The following ATP6V1C1 variants were observed in gnomAD, a reference collection of about 807,000 sequenced individuals.
The protein encoded by ATP6V1C1 is ATPase H+ transporting V1 subunit C1, also known as V-type proton ATPase subunit C 1.
Under a neutral mutation model 53.9 loss-of-function variants are expected in ATP6V1C1, and 45 were observed. The ratio of observed to expected loss-of-function variants is 0.83; its 90% CI spans 0.66 to 1.07. The LOEUF is 1.07. ATP6V1C1 is among the 50% of genes least tolerant of loss of function. The probability of loss-of-function intolerance (pLI) is 0.00; values close to 1 mark genes in which losing one functional copy is unlikely to be tolerated. For missense variants in ATP6V1C1, 315 were observed against 440.3 expected, an observed-to-expected ratio of 0.72 and a Z score of 2.55; for synonymous variants, 153 against 155.2, an observed-to-expected ratio of 0.99 and a Z score of 0.11.
chr8:103,033,003 A>G (rs1286361488), intron 1 of ATP6V1C1, among the ~76,000 whole-genome samples: 2 of 152,254 alleles, frequency 1.3e-5, no homozygotes, highest in African/African-American at 2.4e-5. Context: ...ATACTAAGTA[A>G]TAAAACAGAT....
At chr8:103,053,721 A>G (rs190960502) in intron 6 of ATP6V1C1, among the ~76,000 whole-genome samples, 163 bp from the exon 7 acceptor site, 43 of 152,148 alleles carry the variant, frequency 2.8e-4, no homozygotes, top group Admixed American at 7.9e-4. Flanking sequence ...AGGGTAGGAT[A>G]TATTCAGCTA....
At chr8:103,036,457 C>T (rs1816901081) in intron 1 of ATP6V1C1, among the ~76,000 whole-genome samples, 1 of 152,140 alleles carries the variant, frequency 6.6e-6, no homozygotes, top group Admixed American at 6.6e-5. Flanking sequence ...GAGGCTAAGG[C>T]AGGAGGATTG....
chr8:103,051,752 A>G (rs1288101001), intron 5 of ATP6V1C1, among the ~76,000 whole-genome samples: 1 of 152,120 alleles, frequency 6.6e-6, no homozygotes, highest in Non-Finnish European at 1.5e-5. Flanking sequence ...AGGAAAAAAA[A>G]GTCTTTTTCC....
In ATP6V1C1 at chr8:103,053,924, A is replaced by T; in HGVS notation, c.514A>T (p.Lys172Ter). The T allele has an allele frequency of 6.2e-7, 1 of 1,611,824 alleles. No homozygotes were observed. Among genetic ancestry groups the T allele is most frequent in the Non-Finnish European group, 8.5e-7 (1 of 1,178,680 alleles). The change falls in exon 7 of 13, where the codon AAG (lysine) becomes TAG (stop). Residue 172 changes from lysine (K) to a stop codon, truncating the protein, a stop_gained. Coordinates refer to ENST00000518738, the MANE Select transcript of ATP6V1C1 (RefSeq NM_001695.5). LOFTEE classifies it high-confidence loss of function. ...TAGAAGTCTAGCAGAAATTGTGAAG[A>T]AGGATGACTTTGTTCTTGATTCAGA... ...LTRSLAEIVK[K>*]DDFVLDSEYL... is the part of the protein sequence containing the mutation.
chr8:103,063,092 G>A, intron 9 of ATP6V1C1, 43 bp from the exon 10 acceptor site: 2 of 1,609,110 alleles, frequency 1.2e-6, no homozygotes, highest in Non-Finnish European at 8.5e-7. Flanking sequence ...TAGATCAGCT[G>A]TATACAATGT....
intron 1 of ATP6V1C1, among the ~76,000 whole-genome samples, chr8:103,034,390 C>T (rs1037752417): frequency 1.3e-5 from 2 of 152,070 alleles, no homozygotes; most frequent in African/African-American, 4.8e-5. Context: ...AGGTTCTTGG[C>T]AAGTTGATAA....
intron 1 of ATP6V1C1, among the ~76,000 whole-genome samples, chr8:103,038,344 C>T (rs904154668): frequency 6.6e-6 from 1 of 152,158 alleles, no homozygotes. Flanking sequence ...GCCCTGAACT[C>T]GCATAGTGTG....
intron 4 of ATP6V1C1, 33 bp downstream of exon 4, chr8:103,048,988 C>T (rs1817153279): frequency 7.6e-6 from 12 of 1,581,592 alleles, no homozygotes; most frequent in Non-Finnish European, 1.0e-5. Context: ...TCATTATTAA[C>T]TCATACAAAG....
rs1042567435 is a variant in ATP6V1C1, at chr8:103,072,620, T to C, written c.*3873T>C. On this transcript the variant is annotated 3_prime_UTR_variant, in exon 13 of 13. Coordinates refer to ENST00000518738, the MANE Select transcript of ATP6V1C1 (RefSeq NM_001695.5). ...ATTAATGGTCTTTATTTTTCTAGCA[T>C]AGATAACAATTGATTCTTTAGATTC... 4 of 152,236 alleles carry C rather than the reference T, an allele frequency of 2.6e-5. No homozygotes were observed. The highest frequency in any genetic ancestry group is 4.4e-5 in the Non-Finnish European group (3 of 68,038). The allele number at this position is 152,236 out of a possible 1,614,324, so 9.4% of individuals were successfully genotyped here.
chr8:103,042,969 C>T (rs1280638869), intron 3 of ATP6V1C1, among the ~76,000 whole-genome samples: 2 of 152,164 alleles, frequency 1.3e-5, no homozygotes, highest in Non-Finnish European at 2.9e-5. Flanking sequence ...TATATGTATA[C>T]ATATATATCA....
chr8:103,058,578 C>T (rs755605047), intron 8 of ATP6V1C1, among the ~76,000 whole-genome samples: 10 of 152,170 alleles, frequency 6.6e-5, no homozygotes, highest in Admixed American at 6.5e-5. Context: ...ATGTGCTTTA[C>T]ACAAGTTAAT....
At chr8:103,058,834 G>A (rs1817337450) in intron 8 of ATP6V1C1, among the ~76,000 whole-genome samples, 1 of 152,180 alleles carries the variant, frequency 6.6e-6, no homozygotes, top group Non-Finnish European at 1.5e-5. Context: ...TACCATTGCT[G>A]TGAGGCTAAA....
Position 103,071,066 on chromosome 8 carries a change from G to A in ATP6V1C1, c.*2319G>A, listed in dbSNP as rs1817578937. 1 of 152,222 alleles carries A rather than the reference G, an allele frequency of 6.6e-6. No individual in the cohort carries two copies. Among genetic ancestry groups the A allele is most frequent in the African/African-American group, 2.4e-5 (1 of 41,450 alleles). 9.4% of individuals were successfully genotyped at this position (152,222 alleles called of 1,614,324 possible). ...GAAAATCCAGATCCACATCATTGTA[G>A]AGTCTGAGGGTTAGAAGGAAGTCAT... On this transcript the variant is annotated 3_prime_UTR_variant, in exon 13 of 13. Transcript: ENST00000518738.
chr8:103,046,231 C>A (rs543790601), intron 3 of ATP6V1C1, among the ~76,000 whole-genome samples: 1 of 151,602 alleles, frequency 6.6e-6, no homozygotes, highest in Admixed American at 6.6e-5. Context: ...TTTTCAGAGA[C>A]AGGGTCTTGG....
intron 6 of ATP6V1C1, among the ~76,000 whole-genome samples, chr8:103,053,028 T>A (rs560280096): frequency 6.6e-6 from 1 of 152,176 alleles, no homozygotes; most frequent in East Asian, 1.9e-4. Flanking sequence ...TGATTTATTA[T>A]ACTTGTTTTA....
intron 8 of ATP6V1C1, among the ~76,000 whole-genome samples, chr8:103,059,400 T>A (rs1817352230): frequency 6.6e-6 from 1 of 152,044 alleles, no homozygotes; most frequent in Non-Finnish European, 1.5e-5. Flanking sequence ...ATCACCCCAA[T>A]CTCAGACTCA....
rs146203210 is a variant in ATP6V1C1 at position 103,030,532 on chromosome 8, A to G, written c.-40+9307A>G. 4.1e-3 allele frequency among the ~76,000 whole-genome samples: 626 copies of G among 152,352 alleles called. 3 individuals carry two copies. Among genetic ancestry groups the G allele is most frequent in the Non-Finnish European group, 5.7e-3 (390 of 68,036 alleles). On this transcript the variant is annotated intron_variant, in intron 1 of 12. Transcript: ENST00000518738. ...ATATATTAAAAAACTGCTTCCAGAC[A>G]TCGGACAATAGGCAGTACAGGAGCT...
intron 1 of ATP6V1C1, among the ~76,000 whole-genome samples, chr8:103,024,850 C>T (rs182171214): frequency 6.6e-6 from 1 of 152,182 alleles, no homozygotes; most frequent in African/African-American, 2.4e-5. Context: ...ACATCTACTT[C>T]TAAGATTATA....
intron 2 of ATP6V1C1, 58 bp downstream of exon 2, chr8:103,041,026 C>A: frequency 6.5e-7 from 1 of 1,543,210 alleles, no homozygotes; most frequent in Non-Finnish European, 8.8e-7. Context: ...AGGGCCAGTT[C>A]TCTCTTTTAG....
Sources: allele counts gnomAD v4.1 joint callset (sites outside exome capture counted in the v4.1 genomes callset), GRCh38; gene constraint gnomAD v4.1.1; transcripts MANE v1.5; gene names NCBI Gene and HGNC (gene_info 2026-07-23, HGNC 2026-07-21).